The following EDRF1 variants were observed in gnomAD, a reference collection of about 807,000 sequenced individuals.
EDRF1 encodes the protein erythroid differentiation-related factor 1.
Under a neutral mutation model 148.7 loss-of-function variants are expected in EDRF1, and 69 were observed. The observed-to-expected ratio is 0.46, with a 90% CI of 0.38 to 0.57. The LOEUF (loss-of-function observed/expected upper bound fraction) is 0.57, where lower values mean the gene tolerates loss of function less well. Among genes scored for constraint, EDRF1 ranks in the 20% least tolerant of loss-of-function variants. The probability of loss-of-function intolerance (pLI) is 0.00; values close to 1 mark genes in which losing one functional copy is unlikely to be tolerated. For synonymous variants in EDRF1, 515 were observed against 532.8 expected (o/e 0.97, Z 0.46); for missense variants, 1,118 against 1,478.7 (o/e 0.76, Z 4.00).
rs954377019 is a variant in EDRF1, at chr10:125,719,739, G to A, written c.-69G>A. On this transcript the variant is annotated 5_prime_UTR_variant, in exon 1 of 25. Transcript: ENST00000356792. ...GCGGAGCGTCTCTGGCGCTTACCCT[G>A]CTTTGGGCCTGCGTTGCTGCTGCTG... is the stretch of plus-strand genomic sequence containing the variant. 1.6e-5 allele frequency: 21 copies of A among 1,311,932 alleles called. No homozygotes were observed. Among genetic ancestry groups the A allele is most frequent in the Middle Eastern group, 2.0e-4 (1 of 5,016 alleles). 81.3% of individuals were successfully genotyped at this position (1,311,932 alleles called of 1,614,324 possible).
chr10:125,742,126 A>T, intron 17 of EDRF1: 1 of 913,776 alleles, frequency 1.1e-6, no homozygotes. Flanking sequence ...CTTCTGAATG[A>T]TTCCTTGGGG....
At chr10:125,749,244 T>C in intron 21 of EDRF1, 168 bp from the exon 22 acceptor site, 2 of 731,312 alleles carry the variant, frequency 2.7e-6, no homozygotes, top group Non-Finnish European at 4.4e-6. Flanking sequence ...CGAGACCCTG[T>C]CTCAAAAAAA....
At chr10:125,720,960 G>A (rs966027228) in intron 1 of EDRF1, among the ~76,000 whole-genome samples, 1 of 152,098 alleles carries the variant, frequency 6.6e-6, no homozygotes, top group African/African-American at 2.4e-5. Context: ...GATGTGGGTG[G>A]TCCATTTTCT....
At position 125,728,469 on chromosome 10, in the gene EDRF1, C is replaced by T. The variant is rs139697138; in HGVS notation, c.793-534C>T. On this transcript the variant is annotated intron_variant, in intron 6 of 24. Transcript: ENST00000356792. ...GAAACACTCATCAGGAAATGCTAAA[C>T]TGGAGACTGTTAAGATAATGAGTAT... is the stretch of plus-strand genomic sequence containing the variant. Among the ~76,000 whole-genome samples, 5 of 152,214 alleles carry T rather than the reference C, an allele frequency of 3.3e-5. No individual in the cohort carries two copies. In the East Asian group the frequency reaches 9.7e-4, roughly 29 times the overall value.
At chr10:125,761,208 A>T (rs1358267459) in intron 24 of EDRF1, 8 of 393,910 alleles carry the variant, frequency 2.0e-5, no homozygotes, top group Admixed American at 2.9e-5. Flanking sequence ...TTTAAAAAAA[A>T]TTTTTGTTTT....
intron 13 of EDRF1, 100 bp from the exon 14 acceptor site, chr10:125,737,818 T>C: frequency 8.5e-7 from 1 of 1,174,110 alleles, no homozygotes; most frequent in Admixed American, 1.7e-5. Flanking sequence ...AAGCAAGATT[T>C]TTGTTGATAA....
At chr10:125,738,470 A>G (rs1479683068) in intron 15 of EDRF1, 25 bp downstream of exon 15, 22 of 1,613,750 alleles carry the variant, frequency 1.4e-5, no homozygotes, top group Non-Finnish European at 1.8e-5. Flanking sequence ...TGTGCAAATA[A>G]GGCCTTCAAT....
At chr10:125,744,286 A>G (rs1217826394) in intron 18 of EDRF1, among the ~76,000 whole-genome samples, 2 of 150,888 alleles carry the variant, frequency 1.3e-5, no homozygotes, top group Admixed American at 6.6e-5. Context: ...TGGCATAATC[A>G]TAGCTTGCCA....
At chr10:125,741,231 A>G (rs749530866) in intron 17 of EDRF1, 30 bp downstream of exon 17, 1 of 1,596,724 alleles carries the variant, frequency 6.3e-7, no homozygotes, top group South Asian at 1.1e-5. Flanking sequence ...CACGTGGTTC[A>G]CAGTGGGACT....
chr10:125,735,760 G>C lies in EDRF1; in HGVS notation c.1614G>C (p.Glu538Asp). Residue 538 changes from glutamate (E) to aspartate (D), a missense_variant, in exon 13 of 25, where the codon GAG becomes GAC. Glu to Asp is a conservative substitution (Grantham distance 45, BLOSUM62 2). This residue lies in a region of EDRF1 where 954 missense variants were observed against 1,241.4 expected (regional missense o/e 0.77). Transcript: ENST00000356792. ...NENSDESYSE[E>D]EEEMPDSDEN... is the part of the protein sequence containing the mutation. ...ATTCTGATGAAAGTTATAGTGAAGA[G>C]GAGGAAGAGATGCCCGACAGTGATG... 2 of 1,613,794 alleles carry C rather than the reference G, an allele frequency of 1.2e-6. No individual in the cohort carries two copies. Among genetic ancestry groups the C allele is most frequent in the Non-Finnish European group, 8.5e-7 (1 of 1,179,794 alleles).
At position 125,719,751 on chromosome 10, in the gene EDRF1, C is replaced by T. The variant is rs1197760970; in HGVS notation, c.-57C>T. 7 of 1,428,058 alleles carry T rather than the reference C, an allele frequency of 4.9e-6. No individual in the cohort carries two copies. The Admixed American group carries it at 5.9e-5, about 12-fold the overall frequency. The allele number at this position is 1,428,058 out of a possible 1,614,324, so 88.5% of individuals were successfully genotyped here. On this transcript the variant is annotated 5_prime_UTR_variant, in exon 1 of 25. Transcript: ENST00000356792. The stretch of plus-strand genomic sequence containing the variant: ...TGGCGCTTACCCTGCTTTGGGCCTG[C>T]GTTGCTGCTGCTGCTCCTCCGCTCC...
At chr10:125,762,699 T>C (rs1030855609) in intron 24 of EDRF1, among the ~76,000 whole-genome samples, 11 of 152,114 alleles carry the variant, frequency 7.2e-5, no homozygotes, top group Non-Finnish European at 1.5e-4. Context: ...ATTTTCAGAG[T>C]AAACTGAGAT....
intron 24 of EDRF1, chr10:125,757,131 A>G: frequency 2.9e-6 from 1 of 345,494 alleles, no homozygotes; most frequent in Non-Finnish European, 5.6e-6. Flanking sequence ...TTGCTTTTTA[A>G]ATCCAGTCTT....
chr10:125,748,247 C>T (rs1849466925), intron 21 of EDRF1: 2 of 578,888 alleles, frequency 3.5e-6, no homozygotes, highest in Non-Finnish European at 6.2e-6. Flanking sequence ...TGTTCTGTGG[C>T]TTACTGCCTG....
intron 19 of EDRF1, among the ~76,000 whole-genome samples, chr10:125,746,243 A>G (rs188637478): frequency 6.6e-6 from 1 of 152,398 alleles, no homozygotes; most frequent in Admixed American, 6.5e-5. Flanking sequence ...AAATATAGGT[A>G]GAGGCTTATA....
At position 125,743,204 on chromosome 10, in the gene EDRF1, A is replaced by C; in HGVS notation, c.2518A>C (p.Met840Leu). ...PEHYVQVLKR[M>L]GNIRNEIGVF... is the part of the protein sequence containing the mutation. ...ACACTATGTACAAGTATTAAAGAGA[A>C]TGGGTAACATTAGAAATGAAATTGG... is the stretch of plus-strand genomic sequence containing the variant. Residue 840 changes from methionine (M) to leucine (L), a missense_variant, in exon 18 of 25, where the codon ATG (methionine) becomes CTG (leucine). This residue lies in a region of EDRF1 where 954 missense variants were observed against 1,241.4 expected (regional missense o/e 0.77). Transcript: ENST00000356792. 1 of 1,613,938 alleles carries C rather than the reference A, an allele frequency of 6.2e-7. No individual in the cohort carries two copies. The highest frequency in any genetic ancestry group is 8.5e-7 in the Non-Finnish European group (1 of 1,179,928).
intron 2 of EDRF1, 50 bp from the exon 3 acceptor site, chr10:125,723,018 A>G (rs1301666145): frequency 2.9e-6 from 4 of 1,400,936 alleles, no homozygotes; most frequent in Non-Finnish European, 4.1e-6. Flanking sequence ...CTCTACTTGC[A>G]TGATTATGAG....
chr10:125,724,679 A>G (rs1382307248), intron 4 of EDRF1, among the ~76,000 whole-genome samples: 3 of 152,210 alleles, frequency 2.0e-5, no homozygotes, highest in African/African-American at 7.2e-5. Flanking sequence ...CTCAAATTGT[A>G]TGTTGGTAAG....
At chr10:125,754,730 T>C (rs751997247) in intron 24 of EDRF1, among the ~76,000 whole-genome samples, 1 of 152,252 alleles carries the variant, frequency 6.6e-6, no homozygotes, top group Non-Finnish European at 1.5e-5. Context: ...ATCAATGATA[T>C]GCCTTCCTTG....
Sources: allele counts gnomAD v4.1 joint callset (sites outside exome capture counted in the v4.1 genomes callset), GRCh38; gene constraint gnomAD v4.1.1; regional missense constraint gnomAD v4.1.1; transcripts MANE v1.5; gene names NCBI Gene and HGNC (gene_info 2026-07-23, HGNC 2026-07-21).